PTPRM: variants seen among roughly 807,000 people sequenced by gnomAD.
PTPRM encodes receptor-type tyrosine-protein phosphatase mu.
PTPRM carries 47 observed loss-of-function variants against 186.7 expected under a neutral mutation model. The ratio of observed to expected loss-of-function variants is 0.25; its 90% CI spans 0.20 to 0.32. PTPRM has a LOEUF of 0.32. Ranked by LOEUF, PTPRM falls within the 10% of genes least tolerant of loss-of-function variation. The pLI is 1.00. For synonymous variants in PTPRM, 668 were observed against 674.9 expected, an observed-to-expected ratio of 0.99 and a Z score of 0.16; for missense variants, 1,494 against 1,865.0, an observed-to-expected ratio of 0.80 and a Z score of 3.66.
At chr18:7,778,875 AC>A (rs1201469483) in intron 2 of PTPRM, among the ~76,000 whole-genome samples, 1 of 152,218 alleles carries the variant, frequency 6.6e-6, no homozygotes, top group Non-Finnish European at 1.5e-5. Context: ...TAGCACTGTT[AC>A]ATCCTATCAC....
chr18:7,604,137 T>G (rs911977528), intron 1 of PTPRM, among the ~76,000 whole-genome samples: 2 of 152,248 alleles, frequency 1.3e-5, no homozygotes, highest in African/African-American at 4.8e-5. Flanking sequence ...TGAGATCTGC[T>G]AAAATTGTCT....
In PTPRM at chr18:8,253,357, T is replaced by C. The variant is rs1278319391; in HGVS notation, c.2697T>C (p.Leu899=). 4 of 1,595,562 alleles carry C rather than the reference T, an allele frequency of 2.5e-6. No individual in the cohort carries two copies. The highest frequency in any genetic ancestry group is 2.6e-6 in the Non-Finnish European group (3 of 1,171,358). Residue 899 remains leucine (L), a synonymous_variant, in exon 19 of 33, where the codon CTT becomes CTC. Transcript: ENST00000580170. ...CCGCCATCCGGGTGGCAGACCTCCTTCAGCACATCACACAGATGAAGTGTG... is the reference window on the plus strand; with the variant it reads ...CCGCCATCCGGGTGGCAGACCTCCTCCAGCACATCACACAGATGAAGTGTG... ...LHPAIRVADL[L]QHITQMKCAE...
At chr18:7,667,217 G>A (rs895959702) in intron 1 of PTPRM, among the ~76,000 whole-genome samples, 3 of 152,168 alleles carry the variant, frequency 2.0e-5, no homozygotes, top group Non-Finnish European at 2.9e-5. Context: ...ATTTTATGAT[G>A]ATATCATGTA....
At chr18:7,992,138 T>C (rs538597796) in intron 7 of PTPRM, among the ~76,000 whole-genome samples, 11 of 152,108 alleles carry the variant, frequency 7.2e-5, no homozygotes, top group Non-Finnish European at 1.6e-4. Flanking sequence ...GAGGGAGTTA[T>C]TATAACCTCA....
At chr18:8,065,256 G>T (rs1434179034) in intron 7 of PTPRM, among the ~76,000 whole-genome samples, 1 of 152,104 alleles carries the variant, frequency 6.6e-6, no homozygotes, top group African/African-American at 2.4e-5. Context: ...TTTTGCCCTT[G>T]TTCATAGAAA....
intron 7 of PTPRM, among the ~76,000 whole-genome samples, chr18:7,978,299 C>T (rs1360394249): frequency 6.6e-6 from 1 of 152,164 alleles, no homozygotes; most frequent in Non-Finnish European, 1.5e-5. Flanking sequence ...GGTTATTCAA[C>T]ACCGAGAGAT....
chr18:8,261,087 C>T (rs1013910504), intron 19 of PTPRM, among the ~76,000 whole-genome samples: 3 of 152,254 alleles, frequency 2.0e-5, no homozygotes, highest in African/African-American at 7.2e-5. Flanking sequence ...CTTCCCTCAC[C>T]TCCAGCCCAC....
intron 8 of PTPRM, among the ~76,000 whole-genome samples, chr18:8,073,396 T>TA (rs2089609564): frequency 6.6e-6 from 1 of 152,240 alleles, no homozygotes; most frequent in Non-Finnish European, 1.5e-5. Context: ...GGAAGAGACT[T>TA]AGTCGAGTTT....
At chr18:8,330,055 A>T (rs891182994) in intron 22 of PTPRM, among the ~76,000 whole-genome samples, 8 of 152,120 alleles carry the variant, frequency 5.3e-5, no homozygotes, top group African/African-American at 1.9e-4. Context: ...CTCCTACCTC[A>T]GCCTCCCAAA....
chr18:8,204,660 C>T (rs568204748), intron 14 of PTPRM, among the ~76,000 whole-genome samples: 2 of 152,042 alleles, frequency 1.3e-5, no homozygotes, highest in Admixed American at 6.5e-5. Context: ...CTCTGTTCTT[C>T]GCATCACTGA....
chr18:7,830,871 A>G (rs1460855947), intron 2 of PTPRM, among the ~76,000 whole-genome samples: 1 of 152,150 alleles, frequency 6.6e-6, no homozygotes, highest in Non-Finnish European at 1.5e-5. Context: ...TTTTGGATTA[A>G]CGTAGTTTGA....
At chr18:8,358,142 C>A (rs527962846) in intron 23 of PTPRM, among the ~76,000 whole-genome samples, 193 of 151,548 alleles carry the variant, frequency 1.3e-3, no homozygotes, top group African/African-American at 3.5e-3. Context: ...CCCCCCCCCA[C>A]ACACACACAC....
chr18:7,621,196 A>T (rs2037929389), intron 1 of PTPRM, among the ~76,000 whole-genome samples: 1 of 152,194 alleles, frequency 6.6e-6, no homozygotes, highest in Non-Finnish European at 1.5e-5. Context: ...GAGGTTAAGA[A>T]ACTTGCCCAA....
chr18:8,070,320 A>G (rs1172516444), intron 8 of PTPRM, among the ~76,000 whole-genome samples: 1 of 152,230 alleles, frequency 6.6e-6, no homozygotes, highest in South Asian at 2.1e-4. Context: ...AAATCATTGG[A>G]CTGAAAAATT....
chr18:8,064,682 C>A (rs1464603044), intron 7 of PTPRM, among the ~76,000 whole-genome samples: 1 of 152,158 alleles, frequency 6.6e-6, no homozygotes, highest in Non-Finnish European at 1.5e-5. Context: ...ATTGTTGTAT[C>A]CCAGCAATTT....
chr18:8,088,737 C>CT lies in PTPRM; in HGVS notation c.1754-7dup. On this transcript the variant is annotated splice_polypyrimidine_tract_variant and intron_variant, in intron 10 of 32. Coordinates refer to ENST00000580170, the MANE Select transcript of PTPRM (RefSeq NM_001105244.2). ...AAATAATGAGTCTCCCATTCTACGC[C>CT]TTTTTCCCCAGCACCCTCTATGCCA... The CT allele has an allele frequency of 6.3e-7, 1 of 1,589,630 alleles. No homozygotes were observed. The highest frequency in any genetic ancestry group is 8.6e-7 in the Non-Finnish European group (1 of 1,158,258).
chr18:7,944,475 C>A (rs2052388143), intron 5 of PTPRM, among the ~76,000 whole-genome samples: 1 of 152,158 alleles, frequency 6.6e-6, no homozygotes. Flanking sequence ...TACCTCTTTG[C>A]CTAAGGTCCT....
chr18:8,100,673 T>A (rs1290997639), intron 11 of PTPRM, among the ~76,000 whole-genome samples: 1 of 152,200 alleles, frequency 6.6e-6, no homozygotes, highest in Non-Finnish European at 1.5e-5. Flanking sequence ...TGTTCCTTCA[T>A]TTGTAAAATT....
intron 2 of PTPRM, among the ~76,000 whole-genome samples, chr18:7,845,870 A>C (rs2046568380): frequency 6.6e-6 from 1 of 152,136 alleles, no homozygotes. Context: ...TCTTGGGGTC[A>C]GTGTCTAGTG....
Sources: gnomAD v4.1 joint callset for allele counts (sites outside exome capture counted in the v4.1 genomes callset) on GRCh38, gnomAD v4.1.1 for gene constraint, MANE v1.5 for transcripts, NCBI Gene and HGNC (gene_info 2026-07-23, HGNC 2026-07-21) for gene names.